AP1G1: variants seen among roughly 807,000 people sequenced by gnomAD.
AP1G1 encodes the protein adaptor related protein complex 1 subunit gamma 1.
A neutral mutation model predicts 108.3 loss-of-function variants in AP1G1; 7 were observed. That is an observed-to-expected ratio of 0.06 (90% CI 0.04 to 0.12). The LOEUF (loss-of-function observed/expected upper bound fraction) is 0.12. AP1G1 is among the 10% of genes least tolerant of loss of function. The probability of loss-of-function intolerance (pLI) is 1.00; values close to 1 mark genes in which losing one functional copy is unlikely to be tolerated. For missense variants in AP1G1, 756 were observed against 1,010.7 expected (o/e 0.75, Z 3.42); for synonymous variants, 379 against 353.5 (o/e 1.07, Z -0.81).
rs1294441519 is a variant in AP1G1 at position 71,761,513 on chromosome 16, T to G, written c.973A>C (p.Arg325=). Residue 325 remains arginine, a splice_region_variant and synonymous_variant, in exon 10 of 23, where the codon AGA becomes CGA. Coordinates refer to ENST00000299980, the MANE Select transcript of AP1G1 (RefSeq NM_001128.6). The stretch of plus-strand genomic sequence containing the variant: ...AAAGACATATTTCAGTTAACTTACC[T>G]AATATTCTTGTCATTGTTCAATAAG... ...RFLLNNDKNI[R]YVALTSLLKT... is the part of the protein sequence containing the mutation. The G allele has an allele frequency of 1.3e-6, 2 of 1,583,262 alleles. No individual in the cohort carries two copies. Among genetic ancestry groups the G allele is most frequent in the African/African-American group, 2.7e-5 (2 of 74,122 alleles).
intron 15 of AP1G1, among the ~76,000 whole-genome samples, chr16:71,748,689 TAC>T (rs2145434104): frequency 6.6e-6 from 1 of 152,230 alleles, no homozygotes; most frequent in South Asian, 2.1e-4. Flanking sequence ...AAGAAAAACA[TAC>T]AGAGTTCAAG....
chr16:71,738,948 T>C lies in AP1G1; in HGVS notation c.2262A>G (p.Val754=), dbSNP rs2045585063. Residue 754 remains valine (V), a synonymous_variant, in exon 21 of 23, where the codon GTA becomes GTG. Transcript: ENST00000299980. ...AAAGAAGACATTGTAGTACCTTTGG[T>C]ACTGCAGCTTGGAAAACAAAGTCCG... ...DMTDFVFQAA[V]PKTFQLQLLS... is the part of the protein sequence containing the mutation. 3 of 1,613,854 alleles carry C rather than the reference T, an allele frequency of 1.9e-6. No homozygotes were observed. The highest frequency in any genetic ancestry group is 2.5e-6 in the Non-Finnish European group (3 of 1,179,936).
chr16:71,804,727 T>C (rs1410519981), intron 1 of AP1G1, among the ~76,000 whole-genome samples: 4 of 152,150 alleles, frequency 2.6e-5, no homozygotes, highest in African/African-American at 4.8e-5. Context: ...AGTTTAAAAT[T>C]GCTTGTGGGC....
intron 6 of AP1G1, among the ~76,000 whole-genome samples, chr16:71,768,295 C>T (rs1366921202): frequency 2.7e-5 from 4 of 147,614 alleles, no homozygotes; most frequent in East Asian, 2.1e-4. Context: ...GTCAAGAGTT[C>T]GAACCAGCCT....
chr16:71,756,909 A>C (rs11075901), intron 11 of AP1G1, among the ~76,000 whole-genome samples: 125,036 of 144,700 alleles, frequency 0.86, 54,148 homozygotes, highest in East Asian at 0.99. Context: ...CCAGCCTCGG[A>C]AACAGAGTGA....
At chr16:71,750,394 G>A (rs2030420559) in intron 13 of AP1G1, 62 bp from the exon 14 acceptor site, 1 of 1,583,314 alleles carries the variant, frequency 6.3e-7, no homozygotes. Context: ...ACAAGTGTTA[G>A]CTATTATTAT....
intron 17 of AP1G1, 129 bp from the exon 18 acceptor site, chr16:71,745,743 A>C (rs141894024): frequency 4.8e-5 from 38 of 788,724 alleles, no homozygotes; most frequent in East Asian, 4.2e-4. Flanking sequence ...ACACACACTA[A>C]AATAGAAGGT....
In AP1G1 at chr16:71,808,756, C is replaced by A; in HGVS notation, c.-4+7G>T. 2.3e-6 allele frequency: 3 copies of A among 1,289,594 alleles called. No individual in the cohort carries two copies. Among genetic ancestry groups the A allele is most frequent in the Non-Finnish European group, 3.0e-6 (3 of 988,708 alleles). The allele number at this position is 1,289,594 out of a possible 1,614,324, so 79.9% of individuals were successfully genotyped here. A position where few individuals can be genotyped will look rare whatever the true frequency, so the allele number is the denominator to read the frequency against. The stretch of plus-strand genomic sequence containing the variant: ...AATATGCTCTCAGCGCCGGGAGTGA[C>A]ACTCACCGGCCCGAAACCTCGAATG... On this transcript the variant is annotated splice_region_variant and intron_variant, in intron 1 of 22. Coordinates refer to ENST00000299980, the MANE Select transcript of AP1G1 (RefSeq NM_001128.6).
intron 1 of AP1G1, chr16:71,808,474 G>A (rs1365287417): frequency 4.9e-6 from 6 of 1,228,504 alleles, no homozygotes; most frequent in South Asian, 4.0e-5. Flanking sequence ...ATCGCAGCCT[G>A]AGAAAGTCAA....
intron 6 of AP1G1, among the ~76,000 whole-genome samples, chr16:71,768,979 A>AC (rs2031455663): frequency 4.6e-4 from 5 of 10,908 alleles, no homozygotes; most frequent in Non-Finnish European, 8.0e-4. Context: ...AAAAAAATAC[A>AC]AAAAAAAAAA....
intron 21 of AP1G1, among the ~76,000 whole-genome samples, chr16:71,738,421 C>T (rs533719505): frequency 6.6e-6 from 1 of 152,140 alleles, no homozygotes; most frequent in Admixed American, 6.5e-5. Flanking sequence ...TGGTGTAAAC[C>T]AAACCTTGAT....
At chr16:71,800,064 T>G (rs1213132751) in intron 1 of AP1G1, among the ~76,000 whole-genome samples, 1 of 149,706 alleles carries the variant, frequency 6.7e-6, no homozygotes, top group Non-Finnish European at 1.5e-5. Flanking sequence ...TTTAAAAAAA[T>G]AATAATAAAG....
chr16:71,761,942 T>C (rs2031108488), intron 9 of AP1G1, among the ~76,000 whole-genome samples: 2 of 152,084 alleles, frequency 1.3e-5, no homozygotes, highest in South Asian at 4.1e-4. Flanking sequence ...AGAATAATAT[T>C]AGTACAGCCT....
chr16:71,733,175 A>G lies in AP1G1; in HGVS notation c.2368-16T>C, dbSNP rs768058576. On this transcript the variant is annotated splice_polypyrimidine_tract_variant and intron_variant, in intron 22 of 22. Transcript: ENST00000299980. ...GCAGCTGTTGCTATAAGAGGAAAAGAGAAGTGCAAATTATATACTGAAATG... is the reference window on the plus strand; with the variant it reads ...GCAGCTGTTGCTATAAGAGGAAAAGGGAAGTGCAAATTATATACTGAAATG... 6.3e-7 allele frequency: 1 copy of G among 1,589,696 alleles called. No individual in the cohort carries two copies. The highest frequency in any genetic ancestry group is 8.6e-7 in the Non-Finnish European group (1 of 1,158,170).
At position 71,731,860 on chromosome 16, in the gene AP1G1, TA is replaced by T. The variant is rs1480188759; in HGVS notation, c.*1197del. ...GCTACAAGGCTTCACTCCAACACCA[TA>T]AAGTACAATATGGAAAGATTTCTTT... On this transcript the variant is annotated 3_prime_UTR_variant, in exon 23 of 23. Coordinates refer to ENST00000299980, the MANE Select transcript of AP1G1 (RefSeq NM_001128.6). The T allele has an allele frequency of 1.3e-5, 2 of 152,636 alleles. No homozygotes were observed. Among genetic ancestry groups the T allele is most frequent in the Non-Finnish European group, 2.9e-5 (2 of 68,026 alleles). The allele number at this position is 152,636 out of a possible 1,614,324, so 9.5% of individuals were successfully genotyped here.
At position 71,745,242 on chromosome 16, in the gene AP1G1, C is replaced by A. The variant is rs571680998; in HGVS notation, c.1901G>T (p.Gly634Val). The A allele has an allele frequency of 6.2e-7, 1 of 1,614,158 alleles. No individual in the cohort carries two copies. Among genetic ancestry groups the A allele is most frequent in the South Asian group, 1.1e-5 (1 of 91,082 alleles). ...QANDLLDLLG[G>V]NDITPVIPTA... ...TGGAATAACAGGTGTTATGTCATTT[C>A]CTCCCAACAAATCCAATAAATCATT... Residue 634 changes from glycine to valine, a missense_variant, in exon 19 of 23, where the codon GGA becomes GTA. Around this residue, in one of 3 missense-constraint regions of AP1G1, gnomAD observed 357 missense variants for 366.5 expected, o/e 0.97. Transcript: ENST00000299980.
intron 1 of AP1G1, among the ~76,000 whole-genome samples, chr16:71,789,739 C>T (rs1015783433): frequency 1.3e-5 from 2 of 152,146 alleles, no homozygotes; most frequent in South Asian, 2.1e-4. Flanking sequence ...AAAGAATACA[C>T]TAAATATGTA....
Position 71,791,365 on chromosome 16 carries a change from T to C in AP1G1, c.-3-1883A>G, listed in dbSNP as rs529660623. Among the ~76,000 whole-genome samples, 131 of 152,206 alleles carry C rather than the reference T, an allele frequency of 8.6e-4. 1 individual carries two copies. The highest frequency in any genetic ancestry group is 2.0e-3 in the African/African-American group (84 of 41,530). On this transcript the variant is annotated intron_variant, in intron 1 of 22. Coordinates refer to ENST00000299980, the MANE Select transcript of AP1G1 (RefSeq NM_001128.6). ...ACAAAAAAGCCCTTGAACTAAACAATTGAGACCTATTTGATCAGTTATAGA... is the reference window on the plus strand; with the variant it reads ...ACAAAAAAGCCCTTGAACTAAACAACTGAGACCTATTTGATCAGTTATAGA...
chr16:71,761,417 ATG>A, intron 10 of AP1G1, 93 bp downstream of exon 10: 1 of 883,290 alleles, frequency 1.1e-6, no homozygotes. Flanking sequence ...AGTTCTAAAT[ATG>A]TGACTTAATA....
Sources: gnomAD v4.1 joint callset for allele counts (sites outside exome capture counted in the v4.1 genomes callset) on GRCh38, gnomAD v4.1.1 for gene constraint, gnomAD v4.1.1 regional missense constraint, MANE v1.5 for transcripts, NCBI Gene and HGNC (gene_info 2026-07-23, HGNC 2026-07-21) for gene names.